The following NFKBIB variants were observed in gnomAD, a reference collection of about 807,000 sequenced individuals.
The protein encoded by NFKBIB is NFKB inhibitor beta, also known as NF-kappa-B inhibitor beta.
NFKBIB carries 16 observed loss-of-function variants against 32.1 expected under a neutral mutation model. The observed-to-expected ratio is 0.50, with a 90% CI of 0.34 to 0.76. The LOEUF is 0.76. Ranked by LOEUF, NFKBIB falls within the 30% of genes least tolerant of loss-of-function variation. The probability of loss-of-function intolerance (pLI) is 0.01; values close to 1 mark genes in which losing one functional copy is unlikely to be tolerated. For synonymous variants in NFKBIB, 222 were observed against 219.5 expected, an observed-to-expected ratio of 1.01 and a Z score of -0.10; for missense variants, 437 against 514.9, an observed-to-expected ratio of 0.85 and a Z score of 1.46.
intron 1 of NFKBIB, among the ~76,000 whole-genome samples, chr19:38,904,135 G>A (rs376505529): frequency 1.5e-4 from 22 of 150,274 alleles, no homozygotes; most frequent in African/African-American, 4.6e-4. Flanking sequence ...ATATTATTCT[G>A]GGATGGAGTT....
intron 1 of NFKBIB, among the ~76,000 whole-genome samples, chr19:38,904,394 G>A (rs762870291): frequency 8.5e-5 from 13 of 152,152 alleles, no homozygotes; most frequent in South Asian, 4.1e-4. Context: ...CATCCCCACA[G>A]ACTCACAGGC....
At position 38,900,159 on chromosome 19, in the gene NFKBIB, G is replaced by C. The variant is rs1973898649; in HGVS notation, c.127G>C (p.Gly43Arg). 1 of 1,601,430 alleles carries C rather than the reference G, an allele frequency of 6.2e-7. No individual in the cohort carries two copies. The highest frequency in any genetic ancestry group is 8.5e-7 in the Non-Finnish European group (1 of 1,176,094). ...GPGLGAELGP[G>R]LSWAPLVFGY... The stretch of plus-strand genomic sequence containing the variant: ...TGGGTTGGGCGCGGAGTTGGGCCCG[G>C]GGCTGTCGTGGGCTCCCCTCGTCTT... Residue 43 changes from glycine (G) to arginine (R), a missense_variant, in exon 1 of 6, where the codon GGG becomes CGG. Physicochemically the swap from Gly to Arg is moderately radical, Grantham distance 125. Coordinates refer to ENST00000313582, the MANE Select transcript of NFKBIB (RefSeq NM_002503.5).
rs1974181858 is a variant in NFKBIB at position 38,907,632 on chromosome 19, T to C, written c.942T>C (p.Ser314=). Residue 314 remains serine (S), a synonymous_variant, in exon 5 of 6, where the codon AGT becomes AGC. Coordinates refer to ENST00000313582, the MANE Select transcript of NFKBIB (RefSeq NM_002503.5). ...AGAAATCCGGCCCCTGCAGCAGCAG[T>C]AGCGACAGCGACAGCGGAGACGAGG... ...EDEKSGPCSS[S]SDSDSGDEGD... 2.5e-6 allele frequency: 4 copies of C among 1,609,048 alleles called. No individual in the cohort carries two copies. The highest frequency in any genetic ancestry group is 2.5e-6 in the Non-Finnish European group (3 of 1,178,306).
chr19:38,902,171 C>T (rs1600142952), intron 1 of NFKBIB, among the ~76,000 whole-genome samples: 4 of 145,500 alleles, frequency 2.7e-5, no homozygotes, highest in South Asian at 4.4e-4. Flanking sequence ...AGCTCCGCCT[C>T]CCAGGTTCAT....
In NFKBIB at chr19:38,900,060, G is replaced by A; in HGVS notation, c.28G>A (p.Ala10Thr). Reference sequence around the variant, plus strand: ...GGCTGGGGTCGCGTGCTTGGGAAAAGCTGCCGACGCAGATGAATGGTGCGA... The same window carrying A: ...GGCTGGGGTCGCGTGCTTGGGAAAAACTGCCGACGCAGATGAATGGTGCGA... MAGVACLGK[A>T]ADADEWCDSG... The change falls in exon 1 of 6, where the codon GCT (alanine) becomes ACT (threonine). Residue 10 changes from alanine to threonine, a missense_variant. Ala to Thr is a moderately conservative substitution (Grantham distance 58). Transcript: ENST00000313582. The A allele has an allele frequency of 6.7e-7, 1 of 1,502,352 alleles. No homozygotes were observed. Among genetic ancestry groups the A allele is most frequent in the Non-Finnish European group, 8.9e-7 (1 of 1,128,108 alleles). 93.1% of individuals were successfully genotyped at this position (1,502,352 alleles called of 1,614,324 possible). A position where few individuals can be genotyped will look rare whatever the true frequency, so the allele number is the denominator to read the frequency against.
intron 1 of NFKBIB, 37 bp downstream of exon 1, chr19:38,900,248 A>G (rs756743648): frequency 1.1e-5 from 17 of 1,540,086 alleles, no homozygotes; most frequent in Non-Finnish European, 1.5e-5. Context: ...GAGCCCTAGG[A>G]CCCGGCGTCA....
At position 38,908,765 on chromosome 19, in the gene NFKBIB, G is replaced by T; in HGVS notation, c.1004G>T (p.Arg335Leu). Reference sequence around the variant, plus strand: ...GACGACATTGTGGTTCACAGCAGCCGCAGCCAAACCCGGCTGCCTCCCACC... The same window carrying T: ...GACGACATTGTGGTTCACAGCAGCCTCAGCCAAACCCGGCTGCCTCCCACC... ...EYDDIVVHSSRSQTRLPPTPA... is the reference protein window; with the variant it reads ...EYDDIVVHSSLSQTRLPPTPA... Residue 335 changes from arginine to leucine, a missense_variant, in exon 6 of 6, where the codon CGC (arginine) becomes CTC (leucine). Physicochemically the swap from Arg to Leu is moderately radical, Grantham distance 102. Transcript: ENST00000313582. 3.1e-6 allele frequency: 5 copies of T among 1,613,576 alleles called. No homozygotes were observed. Among genetic ancestry groups the T allele is most frequent in the Non-Finnish European group, 4.2e-6 (5 of 1,179,852 alleles).
rs533991394 is a variant in NFKBIB at position 38,907,465 on chromosome 19, C to T, written c.775C>T (p.Leu259Phe). The T allele has an allele frequency of 6.2e-7, 1 of 1,610,222 alleles. No homozygotes were observed. The highest frequency in any genetic ancestry group is 2.2e-5 in the East Asian group (1 of 44,770). ...VEAQAADVLELLLRAGANPAA... is the reference protein window; with the variant it reads ...VEAQAADVLEFLLRAGANPAA... Reference sequence around the variant, plus strand: ...GGCCCAGGCAGCCGATGTGCTGGAGCTTCTCCTGAGGGCAGGCGCGAACCC... The same window carrying T: ...GGCCCAGGCAGCCGATGTGCTGGAGTTTCTCCTGAGGGCAGGCGCGAACCC... The change falls in exon 5 of 6, where the codon CTT becomes TTT. Residue 259 changes from leucine to phenylalanine, a missense_variant. Physicochemically the swap from Leu to Phe is conservative, Grantham distance 22. Coordinates refer to ENST00000313582, the MANE Select transcript of NFKBIB (RefSeq NM_002503.5).
At chr19:38,899,705 G>A (rs908733002), upstream of NFKBIB, 2 of 887,634 alleles carry the variant, frequency 2.3e-6, no homozygotes, top group Non-Finnish European at 1.8e-6. Flanking sequence ...GGCCGCAGAC[G>A]CGCTTTCGTA....
chr19:38,905,671 C>G lies in NFKBIB; in HGVS notation c.619+136C>G. 3.0e-6 allele frequency: 2 copies of G among 666,556 alleles called. No homozygotes were observed. Among genetic ancestry groups the G allele is most frequent in the Non-Finnish European group, 5.0e-6 (2 of 397,930 alleles). 41.3% of individuals were successfully genotyped at this position (666,556 alleles called of 1,614,324 possible). Reference sequence around the variant, plus strand: ...GCTTCAGGAGCCCACACATCGGGACCAGGGACCTCCACTCAGGGCCCAGAT... The same window carrying G: ...GCTTCAGGAGCCCACACATCGGGACGAGGGACCTCCACTCAGGGCCCAGAT... On this transcript the variant is annotated intron_variant, in intron 3 of 5. Coordinates refer to ENST00000313582, the MANE Select transcript of NFKBIB (RefSeq NM_002503.5). The surrounding 1 kb of genome is among the most constrained non-coding windows in gnomAD (Gnocchi z 5.5).
At chr19:38,908,556 AAAG>A in intron 5 of NFKBIB, 172 bp from the exon 6 acceptor site, 5 of 1,314,338 alleles carry the variant, frequency 3.8e-6, no homozygotes, top group Non-Finnish European at 4.8e-6. Context: ...AAAAAAAAAA[AAAG>A]AAAGAAAAGA....
chr19:38,905,489 G>A lies in NFKBIB; in HGVS notation c.573G>A (p.Glu191=). Residue 191 remains glutamate (E), a synonymous_variant, in exon 3 of 6, where the codon GAG becomes GAA. Coordinates refer to ENST00000313582, the MANE Select transcript of NFKBIB (RefSeq NM_002503.5). This position sits in a 1 kb window ranked among gnomAD's most constrained non-coding sequence, Gnocchi z 5.5. ...CCGACTTGGAGAAGGAAGAAGAGGA[G>A]AGTGAGGAGGACTGGAAGCTGCAGC... ...PDSDLEKEEE[E]SEEDWKLQLE... is the part of the protein sequence containing the mutation. 1 of 1,613,446 alleles carries A rather than the reference G, an allele frequency of 6.2e-7. No homozygotes were observed. Among genetic ancestry groups the A allele is most frequent in the East Asian group, 2.2e-5 (1 of 44,870 alleles).
At position 38,907,407 on chromosome 19, in the gene NFKBIB, G is replaced by A. The variant is rs776373115; in HGVS notation, c.717G>A (p.Thr239=). The change falls in exon 5 of 6, where the codon ACG becomes ACA. Residue 239 remains threonine, a synonymous_variant. Transcript: ENST00000313582. ...AGADLDKPEP[T]CGRSPLHLAV... ...CTGTTGCACCCCCACAGGAGCCCACGTGCGGCCGGAGCCCCCTTCATTTGG... is the reference window on the plus strand; with the variant it reads ...CTGTTGCACCCCCACAGGAGCCCACATGCGGCCGGAGCCCCCTTCATTTGG... 4 of 1,590,316 alleles carry A rather than the reference G, an allele frequency of 2.5e-6. No homozygotes were observed. The highest frequency in any genetic ancestry group is 3.4e-6 in the Non-Finnish European group (4 of 1,163,674).
intron 1 of NFKBIB, among the ~76,000 whole-genome samples, chr19:38,902,202 TC>T (rs1333267925): frequency 4.7e-5 from 7 of 150,020 alleles, no homozygotes; most frequent in Non-Finnish European, 8.9e-5. Flanking sequence ...TGCCTCAGCC[TC>T]CCGAGTAGCT....
At chr19:38,904,569 C>T (rs567163016) in intron 1 of NFKBIB, among the ~76,000 whole-genome samples, 13 of 152,112 alleles carry the variant, frequency 8.5e-5, no homozygotes, top group Non-Finnish European at 1.5e-4. Context: ...CAACCTGATG[C>T]GCTCTGCTTG....
Position 38,905,198 on chromosome 19 carries a change from G to T in NFKBIB, c.286-4G>T. The T allele has an allele frequency of 6.2e-7, 1 of 1,600,970 alleles. No homozygotes were observed. Among genetic ancestry groups the T allele is most frequent in the Non-Finnish European group, 8.5e-7 (1 of 1,173,218 alleles). On this transcript the variant is annotated splice_region_variant and splice_polypyrimidine_tract_variant and intron_variant, in intron 2 of 5. Coordinates refer to ENST00000313582, the MANE Select transcript of NFKBIB (RefSeq NM_002503.5). This position sits in a 1 kb window ranked among gnomAD's most constrained non-coding sequence, Gnocchi z 5.5. ...TCCCTACCGCCTGTCCTCTGCTTCT[G>T]CAGACAGCCCTGCACCTGGCAGCCA...
rs368525794 is a variant in NFKBIB, at chr19:38,905,259, G to A, written c.343G>A (p.Ala115Thr). 1.4e-5 allele frequency: 22 copies of A among 1,591,712 alleles called. No homozygotes were observed. The highest frequency in any genetic ancestry group is 1.8e-5 in the Non-Finnish European group (21 of 1,170,014). The change falls in exon 3 of 6, where the codon GCA (alanine) becomes ACA (threonine). Residue 115 changes from alanine to threonine, a missense_variant. Transcript: ENST00000313582. The surrounding 1 kb of genome is among the most constrained non-coding windows in gnomAD (Gnocchi z 5.5). ...GACATCCACGGTGGAGAAGCTGTAC[G>A]CAGCAGGCGCCGGGCTGTGTGTGGC... The part of the protein sequence containing the change: ...GETSTVEKLY[A>T]AGAGLCVAER...
At chr19:38,908,555 AAAAG>A (rs374400964) in intron 5 of NFKBIB, 172 bp from the exon 6 acceptor site, 19 of 1,295,734 alleles carry the variant, frequency 1.5e-5, no homozygotes, top group Non-Finnish European at 1.8e-5. Flanking sequence ...AAAAAAAAAA[AAAAG>A]AAAGAAAAGA....
upstream of NFKBIB, chr19:38,899,845 A>G (rs1054836312): frequency 1.4e-6 from 1 of 716,674 alleles, no homozygotes. Context: ...AGAGAGTTGT[A>G]GTCCTCCCGA....
Sources: allele counts gnomAD v4.1 joint callset (sites outside exome capture counted in the v4.1 genomes callset), GRCh38; gene constraint gnomAD v4.1.1; non-coding constraint Gnocchi (gnomAD v3.1); transcripts MANE v1.5; gene names NCBI Gene and HGNC (gene_info 2026-07-23, HGNC 2026-07-21).